Variants in ATP2B2 observed in about 807,000 individuals in gnomAD.
ATP2B2 encodes the protein ATPase plasma membrane Ca2+ transporting 2, also known as plasma membrane calcium-transporting ATPase 2.
ATP2B2 carries 15 observed loss-of-function variants against 120.0 expected under a neutral mutation model. The ratio of observed to expected loss-of-function variants is 0.12; its 90% CI spans 0.08 to 0.19. The LOEUF (loss-of-function observed/expected upper bound fraction) is 0.19, where lower values mean the gene tolerates loss of function less well. Among genes scored for constraint, ATP2B2 ranks in the 10% least tolerant of loss-of-function variants. The pLI, the probability that ATP2B2 is intolerant of heterozygous loss-of-function variation, is 1.00. For missense variants in ATP2B2, 1,045 were observed against 1,719.8 expected (o/e 0.61, Z 6.94); for synonymous variants, 694 against 700.3 (o/e 0.99, Z 0.14).
chr3:10,399,050 A>G (rs1220456674), intron 5 of ATP2B2, among the ~76,000 whole-genome samples: 2 of 152,026 alleles, frequency 1.3e-5, no homozygotes, highest in Non-Finnish European at 2.9e-5. Flanking sequence ...GATTCTGAAC[A>G]TTCTCTCTCC....
intron 12 of ATP2B2, among the ~76,000 whole-genome samples, chr3:10,367,372 A>G (rs1461235530): frequency 1.3e-5 from 2 of 151,912 alleles, no homozygotes; most frequent in Non-Finnish European, 2.9e-5. Flanking sequence ...CTGTTTCTGC[A>G]GCGCGGTTTT....
Position 10,358,933 on chromosome 3 carries a change from AG to A in ATP2B2, c.1902-9del. 1 of 1,612,876 alleles carries A rather than the reference AG, an allele frequency of 6.2e-7. No individual in the cohort carries two copies. Among genetic ancestry groups the A allele is most frequent in the Non-Finnish European group, 8.5e-7 (1 of 1,179,860 alleles). ...TTGAGGATTTTGCAGCACCTAGGGGAGGATGGAAGGGAGATGGGGAGCCCAG... is the reference window on the plus strand; with the variant it reads ...TTGAGGATTTTGCAGCACCTAGGGGAGATGGAAGGGAGATGGGGAGCCCAG... On this transcript the variant is annotated splice_polypyrimidine_tract_variant and intron_variant, in intron 13 of 22. Transcript: ENST00000360273.
chr3:10,707,715 G>T (rs1454269920), intron 1 of ATP2B2, among the ~76,000 whole-genome samples: 1 of 148,214 alleles, frequency 6.7e-6, no homozygotes, highest in Admixed American at 6.7e-5. Flanking sequence ...CCTGGTGCCC[G>T]CTCAAGGTCA....
At chr3:10,388,105 C>G (rs917418874) in intron 6 of ATP2B2, 172 bp downstream of exon 6, 5 of 893,260 alleles carry the variant, frequency 5.6e-6, no homozygotes, top group African/African-American at 3.3e-5. Context: ...GGAGATGGAA[C>G]AGACAGAGCC....
chr3:10,559,759 G>A (rs2067861623), intron 2 of ATP2B2, among the ~76,000 whole-genome samples: 1 of 152,202 alleles, frequency 6.6e-6, no homozygotes, highest in Admixed American at 6.5e-5. Flanking sequence ...GAGGTTTAAA[G>A]AACATCCAAG....
rs1365646047 is a variant in ATP2B2, at chr3:10,326,667, C to T, written c.*2147G>A. The T allele has an allele frequency of 1.0e-5, 4 of 398,882 alleles. No homozygotes were observed. The East Asian group carries it at 1.4e-4, about 14-fold the overall frequency. The allele number at this position is 398,882 out of a possible 1,614,324, so 24.7% of individuals were successfully genotyped here. A position where few individuals can be genotyped will look rare whatever the true frequency, so the allele number is the denominator to read the frequency against. ...TAAGCACATCTGAGGGCTGGTCACCCCTTTGGTTATGCAGTTCCTCTCCTG... is the reference window on the plus strand; with the variant it reads ...TAAGCACATCTGAGGGCTGGTCACCTCTTTGGTTATGCAGTTCCTCTCCTG... On this transcript the variant is annotated 3_prime_UTR_variant, in exon 23 of 23. Transcript: ENST00000360273.
rs534681619 is a variant in ATP2B2, at chr3:10,386,394, T to G, written c.940+86A>C. ...AGGCATGTGGCCTCCTCCAGCTGTGTGCTGGTGGTCTAGGGGCAGGGCCCA... is the reference window on the plus strand; with the variant it reads ...AGGCATGTGGCCTCCTCCAGCTGTGGGCTGGTGGTCTAGGGGCAGGGCCCA... On this transcript the variant is annotated intron_variant, in intron 7 of 22. Transcript: ENST00000360273. 8.9e-5 allele frequency: 129 copies of G among 1,450,852 alleles called. 1 individual carries two copies. In the African/African-American group the frequency reaches 1.5e-3, roughly 17 times the overall value. The allele number at this position is 1,450,852 out of a possible 1,614,324, so 89.9% of individuals were successfully genotyped here.
chr3:10,410,478 T>C, intron 3 of ATP2B2, 140 bp downstream of exon 3: 1 of 1,101,024 alleles, frequency 9.1e-7, no homozygotes, highest in Admixed American at 2.5e-5. Context: ...CTGTGTTGGC[T>C]ATGGGTGGGG....
chr3:10,534,863 C>G (rs1175442480), intron 2 of ATP2B2, among the ~76,000 whole-genome samples: 1 of 149,726 alleles, frequency 6.7e-6, no homozygotes, highest in Admixed American at 6.7e-5. Context: ...GCTTCCTTCT[C>G]TCTCTCTCTC....
At chr3:10,565,700 A>G (rs192979130) in intron 2 of ATP2B2, among the ~76,000 whole-genome samples, 50 of 152,334 alleles carry the variant, frequency 3.3e-4, no homozygotes, top group Admixed American at 2.9e-3. Context: ...CCAGAGGGGT[A>G]GTAGAGAATC....
intron 2 of ATP2B2, among the ~76,000 whole-genome samples, chr3:10,563,204 C>T (rs994975507): frequency 9.2e-5 from 14 of 152,180 alleles, no homozygotes; most frequent in African/African-American, 3.4e-4. Flanking sequence ...TCACATTAAG[C>T]AATGAAGGAG....
chr3:10,700,527 G>A (rs1214263198), intron 1 of ATP2B2, among the ~76,000 whole-genome samples: 1 of 152,160 alleles, frequency 6.6e-6, no homozygotes, highest in South Asian at 2.1e-4. Flanking sequence ...ATGCACAGTA[G>A]GGAGACTAGC....
rs779508010 is a variant in ATP2B2 at position 10,402,269 on chromosome 3, G to C, written c.477C>G (p.Leu159=). ...AGWIEGAAIL[L]SVICVVLVTA... The stretch of plus-strand genomic sequence containing the variant: ...TGACCAGGACCACACAGATAACTGA[G>C]AGGAGAATGGCGGCCCCCTCGATCC... Residue 159 remains leucine (L), a synonymous_variant, in exon 4 of 23, where the codon CTC becomes CTG. Coordinates refer to ENST00000360273, the MANE Select transcript of ATP2B2 (RefSeq NM_001001331.4). This position sits in a 1 kb window ranked among gnomAD's most constrained non-coding sequence, Gnocchi z 4.9. The C allele has an allele frequency of 2.5e-6, 4 of 1,614,154 alleles. No individual in the cohort carries two copies. The highest frequency in any genetic ancestry group is 2.2e-5 in the South Asian group (2 of 91,084).
intron 14 of ATP2B2, 124 bp downstream of exon 14, chr3:10,358,567 A>G: frequency 1.1e-6 from 1 of 944,576 alleles, no homozygotes; most frequent in Non-Finnish European, 1.7e-6. Flanking sequence ...AAGGAAGGAA[A>G]TCCCCATGGG....
At chr3:10,465,047 C>A (rs759684925) in intron 1 of ATP2B2, among the ~76,000 whole-genome samples, 40 of 152,352 alleles carry the variant, frequency 2.6e-4, no homozygotes, top group Non-Finnish European at 1.8e-4. Context: ...CAATCTTGGG[C>A]TGCTCTGGGG....
chr3:10,355,999 C>T lies in ATP2B2; in HGVS notation c.2136+2692G>A, dbSNP rs534978702. Among the ~76,000 whole-genome samples the T allele has an allele frequency of 4.4e-3, 258 of 58,598 alleles. 53 individuals carry two copies. Among genetic ancestry groups the T allele is most frequent in the Non-Finnish European group, 6.4e-3 (218 of 33,854 alleles). The allele number at this position is 58,598 out of a possible 152,430, so 38.4% of individuals were successfully genotyped here. On this transcript the variant is annotated intron_variant, in intron 14 of 22. Transcript: ENST00000360273. ...CTGAGGCAGGGGAATGGCGTGAACC[C>T]GGGAGGCGGAGCTTGCAGTGAGCCG...
intron 5 of ATP2B2, among the ~76,000 whole-genome samples, chr3:10,399,133 G>T (rs1272171856): frequency 1.3e-5 from 2 of 152,148 alleles, no homozygotes; most frequent in Non-Finnish European, 2.9e-5. Flanking sequence ...TTAGGCCCAT[G>T]CCTGCCCCGG....
chr3:10,520,237 A>G (rs1049337541), intron 3 of ATP2B2, among the ~76,000 whole-genome samples: 13 of 152,196 alleles, frequency 8.5e-5, no homozygotes, highest in African/African-American at 3.1e-4. Flanking sequence ...TGATTTAGGG[A>G]AGCCTGTAAT....
At chr3:10,571,655 T>A (rs1559464592) in intron 2 of ATP2B2, among the ~76,000 whole-genome samples, 1 of 152,184 alleles carries the variant, frequency 6.6e-6, no homozygotes, top group African/African-American at 2.4e-5. Context: ...AAGCTTTGGA[T>A]GGGCTTGGAA....
Sources: allele counts gnomAD v4.1 joint callset (sites outside exome capture counted in the v4.1 genomes callset), GRCh38; gene constraint gnomAD v4.1.1; non-coding constraint Gnocchi (gnomAD v3.1); transcripts MANE v1.5; gene names NCBI Gene and HGNC (gene_info 2026-07-23, HGNC 2026-07-21).